IMPA2: variants seen among roughly 807,000 people sequenced by gnomAD.
IMPA2 encodes the protein IMP 2.
In IMPA2, 32 loss-of-function variants were observed where a neutral mutation model predicts 35.1. The ratio of observed to expected loss-of-function variants is 0.91; its 90% confidence interval spans 0.69 to 1.23. The LOEUF (loss-of-function observed/expected upper bound fraction) is 1.23. Ranked by LOEUF, IMPA2 falls within the 50% of genes most tolerant of loss-of-function variation. IMPA2 has a pLI of 0.00. For synonymous variants in IMPA2, 135 were observed against 160.6 expected, an observed-to-expected ratio of 0.84 and a Z score of 1.20; for missense variants, 334 against 387.6, an observed-to-expected ratio of 0.86 and a Z score of 1.16.
At chr18:11,993,464 C>T (rs550381654) in intron 1 of IMPA2, among the ~76,000 whole-genome samples, 9 of 152,204 alleles carry the variant, frequency 5.9e-5, no homozygotes, top group Non-Finnish European at 1.2e-4. Flanking sequence ...CCCGAGTACA[C>T]CTGATAGAGC....
chr18:12,028,335 G>C (rs1190796223), intron 6 of IMPA2, 184 bp downstream of exon 6: 2 of 577,034 alleles, frequency 3.5e-6, no homozygotes, highest in Admixed American at 5.9e-5. Flanking sequence ...CCTATAGCCA[G>C]GCCTCTGGAG....
chr18:12,023,882 G>T (rs936930023), intron 5 of IMPA2, among the ~76,000 whole-genome samples: 1 of 152,186 alleles, frequency 6.6e-6, no homozygotes, highest in African/African-American at 2.4e-5. Context: ...GCCCAGTAGG[G>T]TTGAGGGGGC....
intron 6 of IMPA2, 23 bp from the exon 7 acceptor site, chr18:12,028,819 T>A (rs1196677448): frequency 8.7e-6 from 14 of 1,611,042 alleles, no homozygotes; most frequent in Non-Finnish European, 1.2e-5. Flanking sequence ...CGCCTGCATC[T>A]GTCCTCCCTT....
At chr18:12,013,028 T>C (rs944274274) in intron 4 of IMPA2, among the ~76,000 whole-genome samples, 15 of 152,226 alleles carry the variant, frequency 9.9e-5, no homozygotes, top group African/African-American at 3.4e-4. Context: ...TTGACGTCTT[T>C]CTCTGTTAAA....
At chr18:11,982,216 A>G (rs1906523220) in intron 1 of IMPA2, among the ~76,000 whole-genome samples, 1 of 152,146 alleles carries the variant, frequency 6.6e-6, no homozygotes, top group Admixed American at 6.5e-5. Flanking sequence ...TCTGACCCAC[A>G]CCCTGAAAGT....
chr18:12,009,594 T>A (rs1907375190), intron 2 of IMPA2, among the ~76,000 whole-genome samples: 1 of 152,190 alleles, frequency 6.6e-6, no homozygotes, highest in African/African-American at 2.4e-5. Context: ...TTTCCAGTGT[T>A]CTTCACGCTT....
At position 12,030,663 on chromosome 18, in the gene IMPA2, T is replaced by G. The variant is rs77548955; in HGVS notation, c.*205T>G. The stretch of plus-strand genomic sequence containing the variant: ...GATTTGGTGTTTAGCTGTTTCTCTC[T>G]TTAATCTCACGTAGCCTTTTTCAGG... On this transcript the variant is annotated 3_prime_UTR_variant, in exon 8 of 8. Transcript: ENST00000269159. The G allele has an allele frequency of 4.7e-4, 270 of 574,740 alleles. No homozygotes were observed. The highest frequency in any genetic ancestry group is 4.5e-3 in the African/African-American group (239 of 53,424). The allele number at this position is 574,740 out of a possible 1,614,324, so 35.6% of individuals were successfully genotyped here. A position where few individuals can be genotyped will look rare whatever the true frequency, so the allele number is the denominator to read the frequency against.
chr18:12,024,432 T>C (rs1360866370), intron 5 of IMPA2, among the ~76,000 whole-genome samples: 1 of 152,160 alleles, frequency 6.6e-6, no homozygotes, highest in Admixed American at 6.5e-5. Flanking sequence ...TGCAGTGAGC[T>C]GAGATCGCAC....
At chr18:11,999,907 G>C (rs1489834018) in intron 2 of IMPA2, among the ~76,000 whole-genome samples, 1 of 152,230 alleles carries the variant, frequency 6.6e-6, no homozygotes, top group Admixed American at 6.5e-5. Flanking sequence ...ACTCTGGGGG[G>C]CTCTAAGGCC....
intron 4 of IMPA2, among the ~76,000 whole-genome samples, chr18:12,013,840 T>C (rs1907500867): frequency 6.6e-6 from 1 of 152,232 alleles, no homozygotes; most frequent in Non-Finnish European, 1.5e-5. Flanking sequence ...TTCCGCTGGC[T>C]TTACAGATGC....
At chr18:12,008,387 CCT>C (rs769511262) in intron 2 of IMPA2, 2 of 518,844 alleles carry the variant, frequency 3.9e-6, no homozygotes, top group Non-Finnish European at 7.7e-6. Flanking sequence ...GGATAGAAAA[CCT>C]CTCGGCAAGG....
At position 12,014,406 on chromosome 18, in the gene IMPA2, C is replaced by T. The variant is rs777056981; in HGVS notation, c.490+33C>T. 19 of 1,391,664 alleles carry T rather than the reference C, an allele frequency of 1.4e-5. 1 individual carries two copies. The South Asian group carries it at 2.4e-4, about 17-fold the overall frequency. The allele number at this position is 1,391,664 out of a possible 1,614,324, so 86.2% of individuals were successfully genotyped here. On this transcript the variant is annotated intron_variant, in intron 5 of 7. Coordinates refer to ENST00000269159, the MANE Select transcript of IMPA2 (RefSeq NM_014214.3). ...TCACAACGCTCGTCTCAGTTTACTT[C>T]TGAAATAAAAGTGTGAAAGGAGAAT... is the stretch of plus-strand genomic sequence containing the variant.
At chr18:11,986,710 A>G (rs1906676235) in intron 1 of IMPA2, among the ~76,000 whole-genome samples, 1 of 151,912 alleles carries the variant, frequency 6.6e-6, no homozygotes, top group Admixed American at 6.6e-5. Context: ...CACACTCCTC[A>G]CCCCTTGTCC....
intron 5 of IMPA2, chr18:12,017,722 G>A (rs1463517211): frequency 3.0e-6 from 1 of 338,120 alleles, no homozygotes; most frequent in Non-Finnish European, 5.8e-6. Context: ...CTGAGTAGCT[G>A]GGACTACAGG....
chr18:12,030,039 C>A (rs112671444), intron 7 of IMPA2, among the ~76,000 whole-genome samples: 4 of 152,324 alleles, frequency 2.6e-5, no homozygotes, highest in African/African-American at 9.6e-5. Context: ...CGGGTCTAGC[C>A]CATTGCTTGC....
intron 1 of IMPA2, among the ~76,000 whole-genome samples, chr18:11,997,645 G>T (rs1040921145): frequency 5.3e-5 from 8 of 152,106 alleles, no homozygotes; most frequent in African/African-American, 1.9e-4. Flanking sequence ...AGAATTCCCC[G>T]TGTGCTTCTT....
Position 11,981,550 on chromosome 18 carries a change from G to A in IMPA2, c.-120G>A. 1 of 613,634 alleles carries A rather than the reference G, an allele frequency of 1.6e-6. No homozygotes were observed. Among genetic ancestry groups the A allele is most frequent in the East Asian group, 3.5e-5 (1 of 28,328 alleles). 38.0% of individuals were successfully genotyped at this position (613,634 alleles called of 1,614,324 possible). A position where few individuals can be genotyped will look rare whatever the true frequency, so the allele number is the denominator to read the frequency against. ...AGGTGTGGGACGGGCGGCGGACTAGGCACAGAGCTGCGGGAGCAGGCACAG... is the reference window on the plus strand; with the variant it reads ...AGGTGTGGGACGGGCGGCGGACTAGACACAGAGCTGCGGGAGCAGGCACAG... On this transcript the variant is annotated 5_prime_UTR_variant, in exon 1 of 8. Transcript: ENST00000269159.
chr18:12,007,666 T>TC (rs1491149655), intron 2 of IMPA2, among the ~76,000 whole-genome samples: 70 of 133,104 alleles, frequency 5.3e-4, no homozygotes, highest in African/African-American at 1.9e-3. Context: ...TTTCTTTCTT[T>TC]CTTTCTTTCT....
chr18:11,998,971 G>T, intron 1 of IMPA2, 83 bp from the exon 2 acceptor site: 1 of 533,248 alleles, frequency 1.9e-6, no homozygotes, highest in Non-Finnish European at 2.8e-6. Context: ...TGAATACAGA[G>T]GGGACTCGAA....
Sources: gnomAD v4.1 joint callset for allele counts (sites outside exome capture counted in the v4.1 genomes callset) on GRCh38, gnomAD v4.1.1 for gene constraint, MANE v1.5 for transcripts, NCBI Gene and HGNC (gene_info 2026-07-23, HGNC 2026-07-21) for gene names.